Variants in TSC2 observed in about 807,000 individuals in gnomAD.
The protein encoded by TSC2 is TSC complex subunit 2.
Under a neutral mutation model 202.2 loss-of-function variants are expected in TSC2, and 29 were observed. The observed-to-expected ratio is 0.14, with a 90% CI of 0.11 to 0.20. The LOEUF (loss-of-function observed/expected upper bound fraction) is 0.20, where lower values mean the gene tolerates loss of function less well. Ranked by LOEUF, TSC2 falls within the 10% of genes least tolerant of loss-of-function variation. The pLI is 1.00. For missense variants in TSC2, 2,429 were observed against 2,420.0 expected (o/e 1.00, Z -0.08); for synonymous variants, 1,349 against 1,044.0 (o/e 1.29, Z -5.63).
At chr16:2,074,823 C>G (rs2089039731) in intron 22 of TSC2, 2 of 294,872 alleles carry the variant, frequency 6.8e-6, no homozygotes, top group Non-Finnish European at 1.3e-5. Flanking sequence ...CACTGCTGGG[C>G]CCGCACTTGG....
chr16:2,085,036 G>A lies in TSC2; in HGVS notation c.4569+10G>A, dbSNP rs2151545475. The A allele has an allele frequency of 6.2e-7, 1 of 1,613,172 alleles. No homozygotes were observed. Among genetic ancestry groups the A allele is most frequent in the Non-Finnish European group, 8.5e-7 (1 of 1,179,950 alleles). On this transcript the variant is annotated intron_variant, in intron 35 of 41. Transcript: ENST00000219476. ...CCTGCTGCCCAATGAGGTAGGCGTG[G>A]CCTCCCTCTCCTGCATCCGCTGGAG...
At chr16:2,082,258 C>T (rs1373332815) in intron 31 of TSC2, 178 bp from the exon 32 acceptor site, 2 of 694,274 alleles carry the variant, frequency 2.9e-6, no homozygotes, top group Non-Finnish European at 2.5e-6. Context: ...AGGAGGGAGG[C>T]ACTGCCCTCC....
rs779149155 is a variant in TSC2 at position 2,080,207 on chromosome 16, C to T, written c.3440C>T (p.Ser1147Phe). 4 of 1,612,986 alleles carry T rather than the reference C, an allele frequency of 2.5e-6. No homozygotes were observed. The highest frequency in any genetic ancestry group is 3.4e-6 in the Non-Finnish European group (4 of 1,180,016). ...GTTGGCGCCCTGGACGTGCCGGCCT[C>T]CCAGTTCCTGGGCAGTGCCACTTCT... ...LRVGALDVPA[S>F]QFLGSATSPG... The change falls in exon 30 of 42, where the codon TCC (serine) becomes TTC (phenylalanine). Residue 1147 changes from serine (S) to phenylalanine (F), a missense_variant. Transcript: ENST00000219476.
intron 30 of TSC2, chr16:2,081,236 G>A: frequency 2.6e-6 from 1 of 380,362 alleles, no homozygotes; most frequent in East Asian, 6.1e-5. Context: ...AGAGCCCAGG[G>A]ACAGAGGGAG....
chr16:2,071,961 C>A (rs780696045), intron 19 of TSC2, 27 bp downstream of exon 19: 4 of 1,553,176 alleles, frequency 2.6e-6, no homozygotes, highest in Middle Eastern at 2.0e-4. Context: ...AGGGACCATC[C>A]GTCCCACGTT....
intron 2 of TSC2, among the ~76,000 whole-genome samples, chr16:2,049,718 C>T (rs553267964): frequency 8.7e-4 from 131 of 151,354 alleles, no homozygotes; most frequent in South Asian, 2.7e-3. Flanking sequence ...TCCAGCTACT[C>T]GGGGGGCTGA....
At position 2,086,391 on chromosome 16, in the gene TSC2, C is replaced by G. The variant is rs45517373; in HGVS notation, c.4849+12C>G. ...TGACATCATGCAAGGTACGGCCTGG[C>G]GCCTACCCGCTCCTGCTGCCCCAGG... On this transcript the variant is annotated intron_variant, in intron 37 of 41. Transcript: ENST00000219476. 6.2e-7 allele frequency: 1 copy of G among 1,610,492 alleles called. No homozygotes were observed. Among genetic ancestry groups the G allele is most frequent in the Non-Finnish European group, 8.5e-7 (1 of 1,179,002 alleles).
intron 38 of TSC2, 192 bp downstream of exon 38, chr16:2,087,063 C>T (rs904022694): frequency 1.9e-5 from 16 of 820,902 alleles, no homozygotes; most frequent in Middle Eastern, 3.6e-4. Context: ...AAGCCTGTGG[C>T]GCCTGCTGCT....
intron 41 of TSC2, 22 bp from the exon 42 acceptor site, chr16:2,088,424 C>T (rs776555919): frequency 8.7e-6 from 14 of 1,612,698 alleles, no homozygotes; most frequent in Non-Finnish European, 1.1e-5. Flanking sequence ...AGACTTACTG[C>T]CCAAGCCGCC....
In TSC2 at chr16:2,086,611, C is replaced by T. The variant is rs1428785061; in HGVS notation, c.4850-121C>T. The T allele has an allele frequency of 8.6e-6, 13 of 1,504,710 alleles. No homozygotes were observed. The Admixed American group carries it at 2.5e-4, about 29-fold the overall frequency. 93.2% of individuals were successfully genotyped at this position (1,504,710 alleles called of 1,614,324 possible). ...GAGCCGAGGACCACTGGCCAGGCACCAGAGGACGTGGTCCCCGCAGGCCCC... is the reference window on the plus strand; with the variant it reads ...GAGCCGAGGACCACTGGCCAGGCACTAGAGGACGTGGTCCCCGCAGGCCCC... On this transcript the variant is annotated intron_variant, in intron 37 of 41. Transcript: ENST00000219476.
chr16:2,069,888 C>G (rs370778838), intron 16 of TSC2, among the ~76,000 whole-genome samples: 1 of 152,232 alleles, frequency 6.6e-6, no homozygotes, highest in Non-Finnish European at 1.5e-5. Flanking sequence ...GCTGGGATTA[C>G]AGGCGTGAGC....
intron 32 of TSC2, 132 bp downstream of exon 32, chr16:2,082,636 G>A (rs899949425): frequency 3.1e-4 from 304 of 976,272 alleles, no homozygotes; most frequent in Non-Finnish European, 4.2e-4. Flanking sequence ...GTCCCGACTC[G>A]CATGAGGACG....
chr16:2,050,025 G>T (rs1436465784), intron 2 of TSC2, among the ~76,000 whole-genome samples: 1 of 147,616 alleles, frequency 6.8e-6, no homozygotes, highest in African/African-American at 2.5e-5. Flanking sequence ...GCGCGATCTC[G>T]GCTCACTGCA....
intron 11 of TSC2, chr16:2,061,654 C>A: frequency 1.5e-6 from 1 of 687,350 alleles, no homozygotes; most frequent in South Asian, 1.7e-5. Context: ...TCCTGGGCCA[C>A]GTGGGTCAGG....
chr16:2,062,444 A>G, intron 12 of TSC2, 53 bp from the exon 13 acceptor site: 1 of 1,521,858 alleles, frequency 6.6e-7, no homozygotes, highest in Non-Finnish European at 9.0e-7. Flanking sequence ...CCCAGTGTGG[A>G]GAAGGAGAGC....
Position 2,062,017 on chromosome 16 carries a change from C to G in TSC2, c.1257+9C>G. On this transcript the variant is annotated intron_variant, in intron 12 of 41. Coordinates refer to ENST00000219476, the MANE Select transcript of TSC2 (RefSeq NM_000548.5). ...GTGCGGACCAGAGGCCTGTGAGACC[C>G]CCTCCTGGGTGGGGCCTTTGGGCTT... is the stretch of plus-strand genomic sequence containing the variant. 6.2e-7 allele frequency: 1 copy of G among 1,613,988 alleles called. No individual in the cohort carries two copies. The highest frequency in any genetic ancestry group is 1.7e-5 in the Admixed American group (1 of 60,030).
intron 3 of TSC2, among the ~76,000 whole-genome samples, chr16:2,052,705 G>C (rs951557550): frequency 2.0e-5 from 3 of 152,228 alleles, no homozygotes; most frequent in Non-Finnish European, 4.4e-5. Flanking sequence ...GTGGAGAAGG[G>C]AAGGTGGTGA....
intron 31 of TSC2, 112 bp from the exon 32 acceptor site, chr16:2,082,324 G>A (rs1038592377): frequency 1.8e-5 from 24 of 1,311,320 alleles, no homozygotes; most frequent in East Asian, 4.6e-5. Context: ...CGCCCCTGCC[G>A]GCCGCTGGCC....
intron 15 of TSC2, chr16:2,064,640 C>T (rs1596313531): frequency 5.5e-6 from 4 of 723,854 alleles, no homozygotes; most frequent in Non-Finnish European, 9.1e-6. Flanking sequence ...CATGGGTGTC[C>T]TGTCACACTC....
Sources: allele counts gnomAD v4.1 joint callset (sites outside exome capture counted in the v4.1 genomes callset), GRCh38; gene constraint gnomAD v4.1.1; transcripts MANE v1.5; gene names NCBI Gene and HGNC (gene_info 2026-07-23, HGNC 2026-07-21).